LTBP2: variants seen among roughly 807,000 people sequenced by gnomAD.
LTBP2 encodes the protein latent-transforming growth factor beta-binding protein 2.
In LTBP2, 103 loss-of-function variants were observed where a neutral mutation model predicts 210.6. The ratio of observed to expected loss-of-function variants is 0.49; its 90% CI spans 0.42 to 0.58. The LOEUF is 0.58. Ranked by LOEUF, LTBP2 falls within the 20% of genes least tolerant of loss-of-function variation. The probability of loss-of-function intolerance (pLI) is 0.00; values close to 1 mark genes in which losing one functional copy is unlikely to be tolerated. For synonymous variants in LTBP2, 1,007 were observed against 1,015.0 expected (o/e 0.99, Z 0.15); for missense variants, 2,313 against 2,494.5 (o/e 0.93, Z 1.55).
intron 30 of LTBP2, 72 bp downstream of exon 30, chr14:74,504,706 G>T: frequency 6.8e-7 from 1 of 1,479,820 alleles, no homozygotes; most frequent in Non-Finnish European, 9.4e-7. Flanking sequence ...AACTTCCCCA[G>T]GGACCCTGTG....
chr14:74,525,989 G>T, intron 14 of LTBP2, 86 bp downstream of exon 14: 1 of 1,386,152 alleles, frequency 7.2e-7, no homozygotes, highest in Non-Finnish European at 1.0e-6. Context: ...GCGTGAACCA[G>T]CTCACACATA....
chr14:74,553,920 A>G (rs904969619), intron 4 of LTBP2, among the ~76,000 whole-genome samples: 3 of 102,716 alleles, frequency 2.9e-5, no homozygotes, highest in Non-Finnish European at 6.0e-5. Context: ...GAAAGCGGAG[A>G]AACGTGTGTG....
chr14:74,508,623 C>T lies in LTBP2; in HGVS notation c.3633G>A (p.Glu1211=). The T allele has an allele frequency of 1.2e-6, 2 of 1,609,922 alleles. No homozygotes were observed. The highest frequency in any genetic ancestry group is 1.3e-5 in the African/African-American group (1 of 75,042). ...TCTCACCCTGGCAGCTGGTGCCCCCCTCTGCGCTGACGAAGCCAGGCGCGC... is the reference window on the plus strand; with the variant it reads ...TCTCACCCTGGCAGCTGGTGCCCCCTTCTGCGCTGACGAAGCCAGGCGCGC... ...CLCAPGFVSA[E]GGTSCQDVDE... is the part of the protein sequence containing the mutation. The change falls in exon 24 of 36, where the codon GAG becomes GAA. Residue 1211 remains glutamate (E), a synonymous_variant. Transcript: ENST00000261978.
chr14:74,547,425 G>A (rs1163266326), intron 8 of LTBP2, among the ~76,000 whole-genome samples: 1 of 152,144 alleles, frequency 6.6e-6, no homozygotes, highest in Non-Finnish European at 1.5e-5. Context: ...TCAGCTGGGA[G>A]GAGAATCCCA....
intron 8 of LTBP2, among the ~76,000 whole-genome samples, chr14:74,536,495 A>AG (rs1313191745): frequency 6.6e-6 from 1 of 152,232 alleles, no homozygotes; most frequent in Admixed American, 6.5e-5. Flanking sequence ...TAAATATATG[A>AG]GGTAATACAC....
At position 74,585,821 on chromosome 14, in the gene LTBP2, C is replaced by T. The variant is rs755198312; in HGVS notation, c.830+33G>A. ...GCCCCTCCAAAAAGAGACTGAGCCCCAGACCCCAAGCCCCATGGAGAAGGG... is the reference window on the plus strand; with the variant it reads ...GCCCCTCCAAAAAGAGACTGAGCCCTAGACCCCAAGCCCCATGGAGAAGGG... On this transcript the variant is annotated intron_variant, in intron 3 of 35. Coordinates refer to ENST00000261978, the MANE Select transcript of LTBP2 (RefSeq NM_000428.3). 2.5e-6 allele frequency: 4 copies of T among 1,613,824 alleles called. No homozygotes were observed. The East Asian group carries it at 6.7e-5, about 27-fold the overall frequency.
At chr14:74,516,999 G>T in intron 17 of LTBP2, 58 bp from the exon 18 acceptor site, 1 of 1,542,330 alleles carries the variant, frequency 6.5e-7, no homozygotes, top group Non-Finnish European at 8.7e-7. Context: ...GGTGGAGGGG[G>T]CGGGGTCCTG....
chr14:74,590,640 G>T (rs1047856246), intron 2 of LTBP2, among the ~76,000 whole-genome samples: 2 of 152,130 alleles, frequency 1.3e-5, no homozygotes, highest in African/African-American at 4.8e-5. Flanking sequence ...TATACACCAT[G>T]GAATATTACT....
intron 10 of LTBP2, 74 bp downstream of exon 10, chr14:74,532,352 C>A (rs2087361213): frequency 1.3e-6 from 2 of 1,599,746 alleles, no homozygotes; most frequent in Admixed American, 1.7e-5. Flanking sequence ...CTGCCCTGGG[C>A]CTGGCCTGTG....
At chr14:74,597,460 C>T (rs2088382819) in intron 2 of LTBP2, among the ~76,000 whole-genome samples, 2 of 152,148 alleles carry the variant, frequency 1.3e-5, no homozygotes, top group African/African-American at 4.8e-5. Flanking sequence ...TGCCAGCCAC[C>T]CATGCCATCA....
At chr14:74,538,206 G>A (rs2087447510) in intron 8 of LTBP2, among the ~76,000 whole-genome samples, 1 of 152,078 alleles carries the variant, frequency 6.6e-6, no homozygotes, top group Non-Finnish European at 1.5e-5. Flanking sequence ...TTCACCATTA[G>A]CTGCTCTCTC....
At chr14:74,505,565 C>T (rs2086971681) in intron 28 of LTBP2, among the ~76,000 whole-genome samples, 1 of 152,178 alleles carries the variant, frequency 6.6e-6, no homozygotes, top group Non-Finnish European at 1.5e-5. Flanking sequence ...TACCCCAGCC[C>T]CTCCCACCCT....
At chr14:74,549,540 C>A (rs756177955) in intron 8 of LTBP2, among the ~76,000 whole-genome samples, 2 of 152,328 alleles carry the variant, frequency 1.3e-5, no homozygotes, top group South Asian at 2.1e-4. Context: ...GAATCAAGAT[C>A]TCTGGACCCC....
At chr14:74,508,384 CT>C (rs2087019449) in intron 24 of LTBP2, among the ~76,000 whole-genome samples, 1 of 152,068 alleles carries the variant, frequency 6.6e-6, no homozygotes, top group Non-Finnish European at 1.5e-5. Flanking sequence ...TGGTGAGAGA[CT>C]GAGTCCCTCC....
rs755020215 is a variant in LTBP2, at chr14:74,527,429, C to T, written c.2369-63G>A. ...GGGTCTGGCTGCCTTCTCCCCTCAC[C>T]GCCACCTGGGCGGCTTCACAGTCTG... On this transcript the variant is annotated intron_variant, in intron 12 of 35. Transcript: ENST00000261978. 289 of 1,572,254 alleles carry T rather than the reference C, an allele frequency of 1.8e-4. 1 individual carries two copies. Among genetic ancestry groups the T allele is most frequent in the Non-Finnish European group, 2.4e-4 (281 of 1,157,010 alleles).
At position 74,552,399 on chromosome 14, in the gene LTBP2, A is replaced by G; in HGVS notation, c.1193-6T>C. 6.2e-7 allele frequency: 1 copy of G among 1,603,426 alleles called. No homozygotes were observed. The highest frequency in any genetic ancestry group is 8.5e-7 in the Non-Finnish European group (1 of 1,179,854). ...GCAGGGGATCTGGCAGAAATCTGCA[A>G]CATCAACCCTCAAGGTAACCAGCGG... On this transcript the variant is annotated splice_region_variant and splice_polypyrimidine_tract_variant and intron_variant, in intron 5 of 35. Coordinates refer to ENST00000261978, the MANE Select transcript of LTBP2 (RefSeq NM_000428.3).
chr14:74,554,889 T>C (rs981998415), intron 4 of LTBP2, among the ~76,000 whole-genome samples: 5 of 148,172 alleles, frequency 3.4e-5, no homozygotes, highest in Non-Finnish European at 7.4e-5. Context: ...AGGGTAGTGG[T>C]GGGTGTGATA....
At chr14:74,594,229 C>T (rs1365363196) in intron 2 of LTBP2, among the ~76,000 whole-genome samples, 1 of 152,146 alleles carries the variant, frequency 6.6e-6, no homozygotes, top group Admixed American at 6.5e-5. Flanking sequence ...ACCCCCCGGG[C>T]AAGGCGTTTG....
chr14:74,554,620 A>T (rs1309627975), intron 4 of LTBP2, among the ~76,000 whole-genome samples: 1 of 152,192 alleles, frequency 6.6e-6, no homozygotes, highest in Non-Finnish European at 1.5e-5. Flanking sequence ...ATCTATAGAG[A>T]CGGGAAATAG....
Sources: allele counts gnomAD v4.1 joint callset (sites outside exome capture counted in the v4.1 genomes callset), GRCh38; gene constraint gnomAD v4.1.1; transcripts MANE v1.5; gene names NCBI Gene and HGNC (gene_info 2026-07-23, HGNC 2026-07-21).